Variants in PLA2R1 observed in about 807,000 individuals in gnomAD.
PLA2R1 encodes secretory phospholipase A2 receptor.
PLA2R1 carries 158 observed loss-of-function variants against 195.9 expected under a neutral mutation model. That is an observed-to-expected ratio of 0.81 (90% CI 0.71 to 0.92). The LOEUF is 0.92. PLA2R1 is among the 40% of genes least tolerant of loss of function. The pLI is 0.00. For synonymous variants in PLA2R1, 586 were observed against 598.2 expected, an observed-to-expected ratio of 0.98 and a Z score of 0.30; for missense variants, 1,626 against 1,764.6, an observed-to-expected ratio of 0.92 and a Z score of 1.41.
chr2:160,005,992 G>A (rs1044477463), intron 10 of PLA2R1, among the ~76,000 whole-genome samples, 171 bp from the exon 11 acceptor site: 8 of 152,144 alleles, frequency 5.3e-5, no homozygotes, highest in Admixed American at 4.6e-4. Context: ...AATAAATGCC[G>A]AATGTCAGTG....
intron 5 of PLA2R1, 135 bp from the exon 6 acceptor site, chr2:160,028,496 T>C: frequency 1.4e-6 from 1 of 693,988 alleles, no homozygotes; most frequent in Non-Finnish European, 2.5e-6. Context: ...ATGTTATCTA[T>C]GATTTTGCAG....
intron 1 of PLA2R1, among the ~76,000 whole-genome samples, chr2:160,049,667 G>A (rs1214141010): frequency 5.3e-5 from 8 of 151,692 alleles, no homozygotes. Context: ...CTCTACTAAG[G>A]ATACAAAAAT....
At chr2:159,930,843 G>A (rs141840359), downstream of PLA2R1, among the ~76,000 whole-genome samples, 142 of 152,190 alleles carry the variant, frequency 9.3e-4, no homozygotes, top group Non-Finnish European at 1.1e-3. Context: ...GCTTCCATAG[G>A]GGACTGTTTC....
At chr2:159,929,759 C>T (rs1261788219), downstream of PLA2R1, among the ~76,000 whole-genome samples, 1 of 151,994 alleles carries the variant, frequency 6.6e-6, no homozygotes, top group African/African-American at 2.4e-5. Context: ...CCCAAATGCC[C>T]ATCAATCAAT....
In PLA2R1 at chr2:160,053,461, T is replaced by C. The variant is rs938031786; in HGVS notation, c.110-8304A>G. Among the ~76,000 whole-genome samples, 5 of 152,040 alleles carry C rather than the reference T, an allele frequency of 3.3e-5. No individual in the cohort carries two copies. The East Asian group carries it at 7.7e-4, about 23-fold the overall frequency. ...GAAAATACGTGGTTTTGGCTGGACATGGGGAAGTCAAGTCAATGTCCCTTT... is the reference window on the plus strand; with the variant it reads ...GAAAATACGTGGTTTTGGCTGGACACGGGGAAGTCAAGTCAATGTCCCTTT... On this transcript the variant is annotated intron_variant, in intron 1 of 29. Coordinates refer to ENST00000283243, the MANE Select transcript of PLA2R1 (RefSeq NM_007366.5).
At chr2:160,055,141 G>A in intron 1 of PLA2R1, among the ~76,000 whole-genome samples, 1 of 152,098 alleles carries the variant, frequency 6.6e-6, no homozygotes, top group East Asian at 1.9e-4. Context: ...AAGAGTTAGA[G>A]GCTTAACAAG....
At position 159,976,083 on chromosome 2, in the gene PLA2R1, G is replaced by C. The variant is rs745459970; in HGVS notation, c.2580C>G (p.His860Gln). 6.2e-7 allele frequency: 1 copy of C among 1,612,298 alleles called. No individual in the cohort carries two copies. Among genetic ancestry groups the C allele is most frequent in the Non-Finnish European group, 8.5e-7 (1 of 1,179,026 alleles). Residue 860 changes from histidine to glutamine, a missense_variant, in exon 17 of 30, where the codon CAC (histidine) becomes CAG (glutamine). By Grantham distance (24) the His-to-Gln change is conservative (BLOSUM62 0). Transcript: ENST00000283243. ...IHSAHEQEFIHSKIKALSKYG... is the reference protein window; with the variant it reads ...IHSAHEQEFIQSKIKALSKYG... ...GTTCAAGTACCGCTTTTATTTTGCT[G>C]TGGATGAATTCTTGCTCATGTGCAG...
chr2:160,035,346 A>G lies in PLA2R1; in HGVS notation c.668-2214T>C, dbSNP rs146797957. On this transcript the variant is annotated intron_variant, in intron 3 of 29. Coordinates refer to ENST00000283243, the MANE Select transcript of PLA2R1 (RefSeq NM_007366.5). ...GCTCTCTAAGGACTGCTTTGGCAGA[A>G]GAGTCTCTTTGCCCTTTCACTCTCC... Among the ~76,000 whole-genome samples the G allele has an allele frequency of 9.2e-3, 1,407 of 152,290 alleles. 41 individuals are homozygous for G. The highest frequency in any genetic ancestry group is 0.046 in the Admixed American group (696 of 15,292).
At chr2:159,978,304 T>C (rs971686630) in intron 14 of PLA2R1, among the ~76,000 whole-genome samples, 2 of 152,134 alleles carry the variant, frequency 1.3e-5, no homozygotes, top group Non-Finnish European at 2.9e-5. Flanking sequence ...CACAGAAGAA[T>C]GGATGTACCA....
intron 8 of PLA2R1, 148 bp from the exon 9 acceptor site, chr2:160,016,860 T>A: frequency 1.7e-6 from 1 of 603,140 alleles, no homozygotes; most frequent in South Asian, 2.0e-5. Context: ...ACGGAAAGGG[T>A]TGACACTTTG....
intron 10 of PLA2R1, among the ~76,000 whole-genome samples, chr2:160,009,434 GACACA>G (rs1692209702): frequency 6.6e-6 from 1 of 152,188 alleles, no homozygotes; most frequent in African/African-American, 2.4e-5. Context: ...AAATAAACCA[GACACA>G]GAAAAACATA....
intron 1 of PLA2R1, among the ~76,000 whole-genome samples, chr2:160,055,861 T>A (rs544171617): frequency 4.6e-5 from 7 of 152,290 alleles, no homozygotes; most frequent in Admixed American, 4.6e-4. Context: ...TACCTTTGTA[T>A]TAGAAACAGA....
In PLA2R1 at chr2:160,033,266, G is replaced by A. The variant is rs990933414; in HGVS notation, c.668-134C>T. 1.0e-5 allele frequency: 6 copies of A among 589,056 alleles called. No homozygotes were observed. In the African/African-American group the frequency reaches 1.2e-4, roughly 11 times the overall value. The allele number at this position is 589,056 out of a possible 1,614,324, so 36.5% of individuals were successfully genotyped here. A position where few individuals can be genotyped will look rare whatever the true frequency, so the allele number is the denominator to read the frequency against. ...TCAGGGCCTTATCTATTCTTGATTA[G>A]GTCTTTATGATAAAATCTGCATTGT... On this transcript the variant is annotated intron_variant, in intron 3 of 29. Coordinates refer to ENST00000283243, the MANE Select transcript of PLA2R1 (RefSeq NM_007366.5).
intron 4 of PLA2R1, among the ~76,000 whole-genome samples, chr2:160,031,405 A>T (rs533994108): frequency 1.3e-5 from 2 of 152,362 alleles, no homozygotes; most frequent in African/African-American, 4.8e-5. Flanking sequence ...GCAAATGTTC[A>T]TTAAATGCAG....
intron 20 of PLA2R1, 36 bp from the exon 21 acceptor site, chr2:159,956,663 G>C (rs1253348099): frequency 1.7e-6 from 2 of 1,205,484 alleles, no homozygotes; most frequent in South Asian, 2.4e-5. Flanking sequence ...ATTCATTTCT[G>C]TATCTTTCTA....
intron 3 of PLA2R1, among the ~76,000 whole-genome samples, chr2:160,039,422 A>G (rs1186761622): frequency 1.3e-5 from 2 of 152,108 alleles, no homozygotes; most frequent in Non-Finnish European, 2.9e-5. Flanking sequence ...CCGCTAGTAT[A>G]TTTGTATATG....
chr2:159,975,260 A>T (rs1174011930), intron 17 of PLA2R1, among the ~76,000 whole-genome samples: 2 of 152,336 alleles, frequency 1.3e-5, no homozygotes, highest in Admixed American at 1.3e-4. Context: ...TAGCCTTTTT[A>T]AAAACAGAGA....
At chr2:160,006,099 T>C (rs1470150962) in intron 10 of PLA2R1, among the ~76,000 whole-genome samples, 1 of 152,160 alleles carries the variant, frequency 6.6e-6, no homozygotes, top group Non-Finnish European at 1.5e-5. Context: ...TTTCAAAGCA[T>C]AGGTGGTAAA....
chr2:160,009,016 A>G (rs892139908), intron 10 of PLA2R1, among the ~76,000 whole-genome samples: 2 of 152,216 alleles, frequency 1.3e-5, no homozygotes, highest in African/African-American at 2.4e-5. Context: ...TGCACACCCA[A>G]TAGGATGGCT....
Sources: allele counts gnomAD v4.1 joint callset (sites outside exome capture counted in the v4.1 genomes callset), GRCh38; gene constraint gnomAD v4.1.1; transcripts MANE v1.5; gene names NCBI Gene and HGNC (gene_info 2026-07-23, HGNC 2026-07-21).